Variants in GRIP1 observed in about 807,000 individuals in gnomAD.
GRIP1 encodes the protein glutamate receptor interacting protein 1, also known as glutamate receptor-interacting protein 1.
GRIP1 carries 45 observed loss-of-function variants against 129.9 expected under a neutral mutation model. The ratio of observed to expected loss-of-function variants is 0.35; its 90% CI spans 0.27 to 0.44. The LOEUF (loss-of-function observed/expected upper bound fraction) is 0.44, where lower values mean the gene tolerates loss of function less well. Ranked by LOEUF, GRIP1 falls within the 20% of genes least tolerant of loss-of-function variation. The probability of loss-of-function intolerance (pLI) is 1.00; values close to 1 mark genes in which losing one functional copy is unlikely to be tolerated. For synonymous variants in GRIP1, 530 were observed against 520.8 expected (o/e 1.02, Z -0.24); for missense variants, 1,196 against 1,396.8 (o/e 0.86, Z 2.29).
chr12:66,731,553 A>C lies in GRIP1; in HGVS notation c.-420+72500T>G, dbSNP rs565402502. Among the ~76,000 whole-genome samples the C allele has an allele frequency of 3.9e-5, 6 of 152,302 alleles. No individual in the cohort carries two copies. In the East Asian group the frequency reaches 1.2e-3, roughly 29 times the overall value. On this transcript the variant is annotated intron_variant, in intron 1 of 4. Transcript: ENST00000538373. Reference sequence around the variant, plus strand: ...TATTTAATCATTGAAACTATAAATAAACATGGTGGGAAAATGACTACTTGT... The same window carrying C: ...TATTTAATCATTGAAACTATAAATACACATGGTGGGAAAATGACTACTTGT...
At chr12:66,449,061 T>C (rs2058705674) in intron 11 of GRIP1, among the ~76,000 whole-genome samples, 2 of 152,214 alleles carry the variant, frequency 1.3e-5, no homozygotes, top group South Asian at 4.1e-4. Context: ...GCTCTTGCTC[T>C]GGGTCCTTTT....
intron 1 of GRIP1, among the ~76,000 whole-genome samples, chr12:66,858,697 T>A (rs1227248443): frequency 6.6e-6 from 1 of 151,850 alleles, no homozygotes; most frequent in Non-Finnish European, 1.5e-5. Context: ...CTCACCTCTA[T>A]CCTCTTTGCA....
At chr12:66,491,121 C>T (rs1232805057) in intron 7 of GRIP1, among the ~76,000 whole-genome samples, 1 of 152,072 alleles carries the variant, frequency 6.6e-6, no homozygotes, top group African/African-American at 2.4e-5. Flanking sequence ...TACATGTATA[C>T]CCAAAGGAAT....
intron 22 of GRIP1, among the ~76,000 whole-genome samples, chr12:66,373,886 G>A (rs1286476046): frequency 6.6e-6 from 1 of 152,110 alleles, no homozygotes. Context: ...AGAGATGCGT[G>A]GACAAGTTAA....
At chr12:66,571,437 G>A (rs545323034) in intron 2 of GRIP1, among the ~76,000 whole-genome samples, 135 of 152,092 alleles carry the variant, frequency 8.9e-4, no homozygotes, top group Non-Finnish European at 1.5e-3. Context: ...TCTCATATCT[G>A]AAATCTGGAT....
chr12:66,393,790 G>A (rs1189542842), intron 17 of GRIP1, among the ~76,000 whole-genome samples: 1 of 152,166 alleles, frequency 6.6e-6, no homozygotes, highest in African/African-American at 2.4e-5. Flanking sequence ...TGAAGATGAT[G>A]TCTGTATCAT....
At chr12:66,940,959 T>C (rs1443464806) in intron 1 of GRIP1, among the ~76,000 whole-genome samples, 2 of 152,174 alleles carry the variant, frequency 1.3e-5, no homozygotes, top group African/African-American at 2.4e-5. Flanking sequence ...ATTTCTGATA[T>C]CAGTTTTTTT....
chr12:66,781,503 A>G (rs2038158433), intron 1 of GRIP1, among the ~76,000 whole-genome samples: 1 of 152,316 alleles, frequency 6.6e-6, no homozygotes, highest in East Asian at 1.9e-4. Flanking sequence ...TACCAAAAAA[A>G]TTACCCAAGC....
chr12:66,736,555 G>A (rs1433165742), intron 1 of GRIP1, among the ~76,000 whole-genome samples: 1 of 151,618 alleles, frequency 6.6e-6, no homozygotes, highest in Non-Finnish European at 1.5e-5. Context: ...CATCATAAGG[G>A]TCTTCATCCT....
In GRIP1 at chr12:66,455,460, G is replaced by A. The variant is rs770934614; in HGVS notation, c.1303C>T (p.Arg435Cys). The A allele has an allele frequency of 7.4e-6, 12 of 1,613,794 alleles. No individual in the cohort carries two copies. Among genetic ancestry groups the A allele is most frequent in the East Asian group, 2.2e-5 (1 of 44,902 alleles). ...LPRSLYSTSP[R>C]GTMMRRRLKK... Reference sequence around the variant, plus strand: ...AGTCTCCTCCTCATCATGGTTCCACGTGGGCTGGTGGAGTAGAGGCTTCGA... The same window carrying A: ...AGTCTCCTCCTCATCATGGTTCCACATGGGCTGGTGGAGTAGAGGCTTCGA... The change falls in exon 11 of 25, where the codon CGT becomes TGT. Residue 435 changes from arginine to cysteine, a missense_variant. Physicochemically the swap from Arg to Cys is radical, Grantham distance 180. Coordinates refer to ENST00000359742, the MANE Select transcript of GRIP1 (RefSeq NM_001366722.1).
chr12:67,060,596 A>G (rs2135885928), intron 1 of GRIP1, among the ~76,000 whole-genome samples: 1 of 152,226 alleles, frequency 6.6e-6, no homozygotes, highest in South Asian at 2.1e-4. Flanking sequence ...CAAGGCAGGC[A>G]GATCACCTGA....
chr12:66,444,909 TAATTGTGAG>T (rs950525622), intron 12 of GRIP1, among the ~76,000 whole-genome samples, 180 bp from the exon 13 acceptor site: 10 of 152,244 alleles, frequency 6.6e-5, no homozygotes, highest in African/African-American at 2.4e-4. Flanking sequence ...TTCATGGTTA[TAATTGTGAG>T]CAGGGGAATC....
intron 4 of GRIP1, among the ~76,000 whole-genome samples, chr12:66,534,802 T>A (rs2061559272): frequency 1.3e-5 from 2 of 152,114 alleles, no homozygotes; most frequent in African/African-American, 4.8e-5. Flanking sequence ...CAAGTGATTC[T>A]CCTGCCTCAG....
intron 1 of GRIP1, among the ~76,000 whole-genome samples, chr12:66,796,930 G>A (rs2038715941): frequency 6.6e-6 from 1 of 152,060 alleles, no homozygotes; most frequent in South Asian, 2.1e-4. Context: ...TCAAAGGTTT[G>A]GATATCAACT....
At chr12:66,471,756 A>C (rs1019906774) in intron 7 of GRIP1, among the ~76,000 whole-genome samples, 3 of 152,332 alleles carry the variant, frequency 2.0e-5, no homozygotes, top group African/African-American at 7.2e-5. Context: ...TAATGCCCTC[A>C]ACACATTTTA....
intron 5 of GRIP1, among the ~76,000 whole-genome samples, chr12:66,522,793 C>T (rs575984218): frequency 2.7e-3 from 413 of 152,114 alleles, no homozygotes; most frequent in African/African-American, 9.4e-3. Flanking sequence ...AAAAATTAGA[C>T]GAATGGATAC....
intron 1 of GRIP1, among the ~76,000 whole-genome samples, chr12:66,966,996 C>T (rs2042007445): frequency 6.6e-6 from 1 of 152,078 alleles, no homozygotes; most frequent in Non-Finnish European, 1.5e-5. Flanking sequence ...GCTTCTTCTC[C>T]TCCATTTATT....
chr12:66,461,313 C>T (rs957793385), intron 9 of GRIP1, among the ~76,000 whole-genome samples: 9 of 152,200 alleles, frequency 5.9e-5, no homozygotes, highest in Non-Finnish European at 1.0e-4. Flanking sequence ...CAGAATTTAG[C>T]AAGCAAAACC....
intron 1 of GRIP1, among the ~76,000 whole-genome samples, chr12:66,768,134 T>C (rs552924014): frequency 6.6e-6 from 1 of 152,326 alleles, no homozygotes; most frequent in African/African-American, 2.4e-5. Context: ...CTACATTTTA[T>C]TGAAGGTGGA....
Sources: allele counts gnomAD v4.1 joint callset (sites outside exome capture counted in the v4.1 genomes callset), GRCh38; gene constraint gnomAD v4.1.1; transcripts MANE v1.5; gene names NCBI Gene and HGNC (gene_info 2026-07-23, HGNC 2026-07-21).